Variants in IL18RAP observed in about 807,000 individuals in gnomAD.
The protein encoded by IL18RAP is interleukin-18 receptor accessory protein.
In IL18RAP, 37 loss-of-function variants were observed where a neutral mutation model predicts 58.1. The observed-to-expected ratio is 0.64, with a 90% CI of 0.49 to 0.84. The LOEUF is 0.84. Among genes scored for constraint, IL18RAP ranks in the 40% least tolerant of loss-of-function variants. The pLI, the probability that IL18RAP is intolerant of heterozygous loss-of-function variation, is 0.00. For synonymous variants in IL18RAP, 268 were observed against 257.5 expected (o/e 1.04, Z -0.39); for missense variants, 667 against 704.8 (o/e 0.95, Z 0.61).
At chr2:102,451,689 G>A (rs1192355866) in intron 9 of IL18RAP, 77 bp from the exon 10 acceptor site, 3 of 1,202,758 alleles carry the variant, frequency 2.5e-6, no homozygotes, top group African/African-American at 3.0e-5. Context: ...CCTTATGTAA[G>A]AGAATCCATT....
chr2:102,440,756 C>G (rs573920031), intron 4 of IL18RAP, among the ~76,000 whole-genome samples: 1 of 152,126 alleles, frequency 6.6e-6, no homozygotes, highest in South Asian at 2.1e-4. Flanking sequence ...TTTCTTTATC[C>G]AGAAAAAGAC....
chr2:102,446,819 T>C (rs1316373862), intron 7 of IL18RAP, among the ~76,000 whole-genome samples: 1 of 148,082 alleles, frequency 6.8e-6, no homozygotes, highest in African/African-American at 2.5e-5. Flanking sequence ...AAAAGTATAA[T>C]GAATAATGGT....
chr2:102,437,162 T>C, intron 3 of IL18RAP, 50 bp from the exon 4 acceptor site: 1 of 1,555,182 alleles, frequency 6.4e-7, no homozygotes, highest in Non-Finnish European at 8.7e-7. Flanking sequence ...ATGTATTTCA[T>C]AAAGTTTTTC....
intron 8 of IL18RAP, among the ~76,000 whole-genome samples, chr2:102,448,140 C>T (rs1683546616): frequency 6.6e-6 from 1 of 152,166 alleles, no homozygotes; most frequent in Non-Finnish European, 1.5e-5. Flanking sequence ...TGTGTGTTAG[C>T]TACTTTAATG....
At chr2:102,424,446 A>C in intron 3 of IL18RAP, 32 bp downstream of exon 3, 1 of 1,579,020 alleles carries the variant, frequency 6.3e-7, no homozygotes, top group Non-Finnish European at 8.7e-7. Flanking sequence ...TTAATATAAG[A>C]GCATTGTTTT....
chr2:102,442,637 A>C (rs997397542), intron 5 of IL18RAP, among the ~76,000 whole-genome samples: 1 of 152,226 alleles, frequency 6.6e-6, no homozygotes, highest in Non-Finnish European at 1.5e-5. Flanking sequence ...GAGGCAGAGC[A>C]TATGTGAATA....
At chr2:102,446,969 A>C in intron 7 of IL18RAP, 101 bp from the exon 8 acceptor site, 2 of 1,232,926 alleles carry the variant, frequency 1.6e-6, no homozygotes, top group South Asian at 3.1e-5. Flanking sequence ...AAAATAATAG[A>C]GCTGGAAAAG....
At chr2:102,430,477 A>G (rs957348059) in intron 3 of IL18RAP, among the ~76,000 whole-genome samples, 5 of 152,062 alleles carry the variant, frequency 3.3e-5, no homozygotes, top group Admixed American at 1.3e-4. Flanking sequence ...AAGGCAGCAT[A>G]TAGCTGAATT....
Position 102,445,253 on chromosome 2 carries a change from C to T in IL18RAP, c.985C>T (p.Arg329Cys), listed in dbSNP as rs772823153. 1.1e-5 allele frequency: 17 copies of T among 1,613,800 alleles called. No individual in the cohort carries two copies. Among genetic ancestry groups the T allele is most frequent in the African/African-American group, 1.3e-5 (1 of 74,898 alleles). The change falls in exon 7 of 10, where the codon CGT becomes TGT. Residue 329 changes from arginine (R) to cysteine (C), a missense_variant. Physicochemically the swap from Arg to Cys is radical, Grantham distance 180. Coordinates refer to ENST00000687160, the MANE Select transcript of IL18RAP (RefSeq NM_001393487.1). ...TATCATCTTGGAAAAAGTCACTCAGCGTGATCTTCGCAGGAAGTTTGTTTG... is the reference window on the plus strand; with the variant it reads ...TATCATCTTGGAAAAAGTCACTCAGTGTGATCTTCGCAGGAAGTTTGTTTG... The part of the protein sequence containing the change: ...RNIILEKVTQ[R>C]DLRRKFVCFV...
In IL18RAP at chr2:102,445,259, C is replaced by A. The variant is rs765727774; in HGVS notation, c.991C>A (p.Leu331Ile). 6.2e-7 allele frequency: 1 copy of A among 1,614,090 alleles called. No individual in the cohort carries two copies. The highest frequency in any genetic ancestry group is 1.1e-5 in the South Asian group (1 of 91,078). The change falls in exon 7 of 10, where the codon CTT becomes ATT. Residue 331 changes from leucine to isoleucine, a missense_variant. Leu to Ile is a conservative substitution (Grantham distance 5). Coordinates refer to ENST00000687160, the MANE Select transcript of IL18RAP (RefSeq NM_001393487.1). The stretch of plus-strand genomic sequence containing the variant: ...CTTGGAAAAAGTCACTCAGCGTGAT[C>A]TTCGCAGGAAGTTTGTTTGCTTTGT... Reference protein sequence around the residue: ...IILEKVTQRDLRRKFVCFVQN... With the variant: ...IILEKVTQRDIRRKFVCFVQN...
At position 102,452,250 on chromosome 2, in the gene IL18RAP, C is replaced by CTG. The variant is rs142504716; in HGVS notation, c.*81_*82dup. 5.1e-5 allele frequency: 72 copies of CTG among 1,398,538 alleles called. No homozygotes were observed. Among genetic ancestry groups the CTG allele is most frequent in the Middle Eastern group, 1.9e-4 (1 of 5,142 alleles). 86.6% of individuals were successfully genotyped at this position (1,398,538 alleles called of 1,614,324 possible). ...ATGTTGCTGGACAGAACTCACAGCT[C>CTG]TGTGTGTGTGTGTTCAGGCTGATAG... On this transcript the variant is annotated 3_prime_UTR_variant, in exon 10 of 10. Transcript: ENST00000687160.
At chr2:102,432,124 T>C (rs915223117) in intron 3 of IL18RAP, among the ~76,000 whole-genome samples, 35 of 152,110 alleles carry the variant, frequency 2.3e-4, no homozygotes, top group African/African-American at 7.5e-4. Context: ...CCAGGTGGGC[T>C]AGTTGGTAGC....
rs762924878 is a variant in IL18RAP, at chr2:102,450,934, T to C, written c.1297T>C (p.Leu433=). ...CACTTCATCTCTGAGTGAAGAACAC[T>C]TGGCCCTGAGCCTATTTCCTGATGT... ...EATSSLSEEH[L]ALSLFPDVLE... The change falls in exon 9 of 10, where the codon TTG becomes CTG. Residue 433 remains leucine, a synonymous_variant. Coordinates refer to ENST00000687160, the MANE Select transcript of IL18RAP (RefSeq NM_001393487.1). 2 of 1,612,848 alleles carry C rather than the reference T, an allele frequency of 1.2e-6. No individual in the cohort carries two copies. The highest frequency in any genetic ancestry group is 2.2e-5 in the South Asian group (2 of 90,534).
upstream of IL18RAP, among the ~76,000 whole-genome samples, chr2:102,422,971 A>T (rs1265698265): frequency 2.6e-5 from 4 of 152,212 alleles, no homozygotes; most frequent in Non-Finnish European, 5.9e-5. Context: ...AACACACTGC[A>T]TAGAGCCTAG....
intron 4 of IL18RAP, among the ~76,000 whole-genome samples, chr2:102,437,865 T>A (rs1309945488): frequency 6.6e-6 from 1 of 152,234 alleles, no homozygotes; most frequent in East Asian, 1.9e-4. Context: ...TACATATGTA[T>A]GCATCTATTA....
At chr2:102,418,776 T>G (rs944766131), upstream of IL18RAP, 8 of 152,354 alleles carry the variant, frequency 5.3e-5, no homozygotes, top group Non-Finnish European at 1.0e-4. Context: ...ACGTGGCTAT[T>G]GTGTCTTCTC....
In IL18RAP at chr2:102,443,335, A is replaced by T. The variant is rs772380876; in HGVS notation, c.920+12A>T. 1 of 1,610,620 alleles carries T rather than the reference A, an allele frequency of 6.2e-7. No individual in the cohort carries two copies. Among genetic ancestry groups the T allele is most frequent in the African/African-American group, 1.3e-5 (1 of 74,744 alleles). Reference sequence around the variant, plus strand: ...CCTGAGGCGAAAAGGTAAGAAAAAAACTCACGGATTCTGTTCTCTGCAATT... The same window carrying T: ...CCTGAGGCGAAAAGGTAAGAAAAAATCTCACGGATTCTGTTCTCTGCAATT... On this transcript the variant is annotated intron_variant, in intron 6 of 9. Transcript: ENST00000687160.
chr2:102,430,281 T>G (rs1448161555), intron 3 of IL18RAP, among the ~76,000 whole-genome samples: 4 of 152,054 alleles, frequency 2.6e-5, no homozygotes, highest in Non-Finnish European at 5.9e-5. Context: ...ATCCTCTTAG[T>G]GAATGGACTC....
chr2:102,418,708 A>T (rs116800182), upstream of IL18RAP: 192 of 152,452 alleles, frequency 1.3e-3, no homozygotes, highest in African/African-American at 4.2e-3. Flanking sequence ...ATGGTCATTT[A>T]CAAAATAAGG....
Sources: gnomAD v4.1 joint callset for allele counts (sites outside exome capture counted in the v4.1 genomes callset) on GRCh38, gnomAD v4.1.1 for gene constraint, MANE v1.5 for transcripts, NCBI Gene and HGNC (gene_info 2026-07-23, HGNC 2026-07-21) for gene names.